NYAP2: variants seen among roughly 807,000 people sequenced by gnomAD.
The protein encoded by NYAP2 is neuronal tyrosine-phosphorylated phosphoinositide-3-kinase adapter 2.
In NYAP2, 23 loss-of-function variants were observed where a neutral mutation model predicts 50.4. That is an observed-to-expected ratio of 0.46 (90% confidence interval 0.33 to 0.65). The LOEUF (loss-of-function observed/expected upper bound fraction) is 0.65. Ranked by LOEUF, NYAP2 falls within the 30% of genes least tolerant of loss-of-function variation. NYAP2 has a pLI of 0.02. For missense variants in NYAP2, 885 were observed against 861.0 expected (o/e 1.03, Z -0.35); for synonymous variants, 394 against 365.2 (o/e 1.08, Z -0.90).
chr2:225,642,630 T>C (rs549844747), intron 6 of NYAP2, among the ~76,000 whole-genome samples: 1 of 152,284 alleles, frequency 6.6e-6, no homozygotes, highest in South Asian at 2.1e-4. Context: ...TCCATCCCTG[T>C]ACCAGTCAAT....
chr2:225,590,726 CT>C (rs1457755463), intron 5 of NYAP2, among the ~76,000 whole-genome samples: 2 of 152,244 alleles, frequency 1.3e-5, no homozygotes, highest in East Asian at 3.9e-4. Context: ...TTTTCCTTTC[CT>C]TGACTAAGTT....
chr2:225,655,063 C>A (rs942554677), downstream of NYAP2, among the ~76,000 whole-genome samples: 4 of 152,208 alleles, frequency 2.6e-5, no homozygotes, highest in South Asian at 2.1e-4. Flanking sequence ...GACAGCCCAC[C>A]ACCAGAGGTG....
At chr2:225,542,751 G>A (rs1382758212) in intron 4 of NYAP2, among the ~76,000 whole-genome samples, 1 of 151,652 alleles carries the variant, frequency 6.6e-6, no homozygotes, top group African/African-American at 2.4e-5. Flanking sequence ...TGCATCTTTG[G>A]TTTGATATCA....
intron 5 of NYAP2, among the ~76,000 whole-genome samples, chr2:225,621,473 G>C (rs1389432178): frequency 6.6e-6 from 1 of 152,070 alleles, no homozygotes; most frequent in East Asian, 1.9e-4. Context: ...GGGGCCAAAG[G>C]GAGGAGGAAA....
chr2:225,525,563 A>G (rs750642330), intron 4 of NYAP2, among the ~76,000 whole-genome samples: 2 of 152,152 alleles, frequency 1.3e-5, no homozygotes, highest in African/African-American at 4.8e-5. Context: ...AGTGGGAGCC[A>G]AACAATGGGT....
intron 4 of NYAP2, among the ~76,000 whole-genome samples, chr2:225,522,397 A>G (rs1385703668): frequency 1.3e-5 from 2 of 152,134 alleles, no homozygotes; most frequent in African/African-American, 2.4e-5. Flanking sequence ...CATGTTTAGT[A>G]AAGTCATGTC....
rs777853612 is a variant in NYAP2 at position 225,582,584 on chromosome 2, C to T, written c.1167C>T (p.Gly389=). The T allele has an allele frequency of 3.8e-6, 6 of 1,598,328 alleles. No homozygotes were observed. Among genetic ancestry groups the T allele is most frequent in the Non-Finnish European group, 5.1e-6 (6 of 1,173,000 alleles). ...CCACGCTGCCGTCCCACGTCCCCGGCCATGCGAAACTGGAGAAAGAGCAGG... is the reference window on the plus strand; with the variant it reads ...CCACGCTGCCGTCCCACGTCCCCGGTCATGCGAAACTGGAGAAAGAGCAGG... Residue 389 remains glycine, a synonymous_variant, in exon 5 of 7, where the codon GGC becomes GGT. Transcript: ENST00000636099. This position sits in a 1 kb window ranked among gnomAD's most constrained non-coding sequence, Gnocchi z 7.0.
intron 4 of NYAP2, among the ~76,000 whole-genome samples, chr2:225,562,080 A>G (rs1353444370): frequency 1.3e-5 from 2 of 152,108 alleles, no homozygotes; most frequent in Non-Finnish European, 1.5e-5. Flanking sequence ...GGGAGCTGCA[A>G]TTTGGATCCA....
the NYAP2 span, among the ~76,000 whole-genome samples, chr2:225,684,078 A>G: frequency 1.3e-5 from 2 of 152,136 alleles, no homozygotes; most frequent in African/African-American, 4.8e-5. Flanking sequence ...CTTTAGGTCA[A>G]TGTGACTCAG....
At chr2:225,528,988 A>T (rs1691204085) in intron 4 of NYAP2, among the ~76,000 whole-genome samples, 1 of 152,232 alleles carries the variant, frequency 6.6e-6, no homozygotes, top group African/African-American at 2.4e-5. Context: ...CCTCATTGCA[A>T]CTTTCCCCGA....
chr2:225,598,543 T>C (rs1036387976), intron 5 of NYAP2, among the ~76,000 whole-genome samples: 2 of 151,962 alleles, frequency 1.3e-5, no homozygotes, highest in African/African-American at 4.8e-5. Flanking sequence ...TTATTTGAGA[T>C]GAAAAAAATT....
intron 6 of NYAP2, among the ~76,000 whole-genome samples, chr2:225,646,726 A>G (rs1238141152): frequency 6.6e-6 from 1 of 152,162 alleles, no homozygotes; most frequent in Non-Finnish European, 1.5e-5. Context: ...ACATTAGACC[A>G]CTGGGTGACC....
At chr2:225,556,573 C>G (rs188699917) in intron 4 of NYAP2, among the ~76,000 whole-genome samples, 1 of 152,100 alleles carries the variant, frequency 6.6e-6, no homozygotes, top group Non-Finnish European at 1.5e-5. Flanking sequence ...AAAGAGATGG[C>G]TTCTTAATTG....
At chr2:225,622,560 T>TC (rs201266202) in intron 5 of NYAP2, among the ~76,000 whole-genome samples, 309 of 19,760 alleles carry the variant, frequency 0.016, 5 homozygotes, top group Middle Eastern at 0.095. Context: ...TTTCTTTCTT[T>TC]TTCTTTCTTT....
chr2:225,461,893 A>G (rs1689840184), intron 3 of NYAP2, among the ~76,000 whole-genome samples: 1 of 152,180 alleles, frequency 6.6e-6, no homozygotes, highest in African/African-American at 2.4e-5. Context: ...TAATTTATGT[A>G]CTTTTGTTTT....
intron 3 of NYAP2, among the ~76,000 whole-genome samples, chr2:225,492,556 G>C (rs1366581322): frequency 2.6e-5 from 4 of 152,188 alleles, no homozygotes; most frequent in African/African-American, 9.7e-5. Flanking sequence ...ATGTTACTCT[G>C]TTCTTTCATT....
At chr2:225,496,973 G>A (rs1690517936) in intron 3 of NYAP2, among the ~76,000 whole-genome samples, 1 of 151,884 alleles carries the variant, frequency 6.6e-6, no homozygotes, top group Non-Finnish European at 1.5e-5. Flanking sequence ...AATATGTTGT[G>A]ACAATACCTT....
At chr2:225,466,361 T>C (rs1350994852) in intron 3 of NYAP2, among the ~76,000 whole-genome samples, 1 of 152,092 alleles carries the variant, frequency 6.6e-6, no homozygotes, top group Non-Finnish European at 1.5e-5. Flanking sequence ...TTCTTCAGGG[T>C]TTAGAAAGTG....
chr2:225,475,703 G>C (rs147129588), intron 3 of NYAP2, among the ~76,000 whole-genome samples: 30 of 152,302 alleles, frequency 2.0e-4, no homozygotes, highest in African/African-American at 7.2e-4. Flanking sequence ...GAGAGCCAGA[G>C]AGTAAATCAA....
Sources: gnomAD v4.1 joint callset for allele counts (sites outside exome capture counted in the v4.1 genomes callset) on GRCh38, gnomAD v4.1.1 for gene constraint, Gnocchi (gnomAD v3.1) non-coding constraint, MANE v1.5 for transcripts, NCBI Gene and HGNC (gene_info 2026-07-23, HGNC 2026-07-21) for gene names.